Variants in PARD3B observed in about 807,000 individuals in gnomAD.
The protein encoded by PARD3B is par-3 family cell polarity regulator beta.
A neutral mutation model predicts 130.2 loss-of-function variants in PARD3B; 103 were observed. The ratio of observed to expected loss-of-function variants is 0.79; its 90% CI spans 0.67 to 0.93. The LOEUF is 0.93. PARD3B is among the 40% of genes least tolerant of loss of function. The pLI is 0.00. For missense variants in PARD3B, 1,609 were observed against 1,499.2 expected (o/e 1.07, Z -1.21); for synonymous variants, 583 against 553.2 (o/e 1.05, Z -0.76).
At chr2:205,538,583 G>A (rs1355413006) in intron 21 of PARD3B, among the ~76,000 whole-genome samples, 3 of 152,106 alleles carry the variant, frequency 2.0e-5, no homozygotes, top group East Asian at 1.9e-4. Context: ...ATAAGAGAAA[G>A]TAAGAGTTCT....
chr2:204,708,486 T>C (rs2038286386), intron 2 of PARD3B, among the ~76,000 whole-genome samples: 1 of 152,216 alleles, frequency 6.6e-6, no homozygotes, highest in Non-Finnish European at 1.5e-5. Flanking sequence ...TATTAGAAAG[T>C]AGACATAGAT....
intron 2 of PARD3B, among the ~76,000 whole-genome samples, chr2:204,937,130 TTGACCTCGGA>T (rs1293061704): frequency 6.6e-6 from 1 of 152,228 alleles, no homozygotes; most frequent in African/African-American, 2.4e-5. Flanking sequence ...ACTGGAACCA[TTGACCTCGGA>T]TGATGCCAGG....
chr2:205,048,492 T>C (rs1366345175), intron 4 of PARD3B: 1 of 152,206 alleles, frequency 6.6e-6, no homozygotes, highest in African/African-American at 2.4e-5. Context: ...TTTTGGCTAA[T>C]GACTATATAC....
intron 2 of PARD3B, among the ~76,000 whole-genome samples, chr2:204,766,088 C>A (rs572054726): frequency 6.6e-6 from 1 of 152,252 alleles, no homozygotes; most frequent in East Asian, 1.9e-4. Context: ...TAGGTTTCCA[C>A]TTTTAAGGCA....
chr2:204,715,679 G>A (rs1298860303), intron 2 of PARD3B, among the ~76,000 whole-genome samples: 5 of 152,134 alleles, frequency 3.3e-5, no homozygotes, highest in Non-Finnish European at 7.4e-5. Context: ...CTATAGAAGA[G>A]AAAAGTTTGG....
In PARD3B at chr2:205,473,901, C is replaced by T. The variant is rs2106266665; in HGVS notation, c.3045-25995C>T. On this transcript the variant is annotated intron_variant, in intron 20 of 22. Coordinates refer to ENST00000406610, the MANE Select transcript of PARD3B (RefSeq NM_001302769.2). The surrounding 1 kb of genome is among the most constrained non-coding windows in gnomAD (Gnocchi z 4.9). ...ATACTTTTGCAAGCTTGATCTTCAA[C>T]CTCACTTATGTCCCCATGACAACCT... 7.1e-6 allele frequency among the ~76,000 whole-genome samples: 1 copy of T among 141,010 alleles called. No homozygotes were observed. Among genetic ancestry groups the T allele is most frequent in the East Asian group, 1.9e-4 (1 of 5,170 alleles). The allele number at this position is 141,010 out of a possible 152,430, so 92.5% of individuals were successfully genotyped here. A position where few individuals can be genotyped will look rare whatever the true frequency, so the allele number is the denominator to read the frequency against.
intron 20 of PARD3B, among the ~76,000 whole-genome samples, chr2:205,464,639 C>T (rs1434607862): frequency 3.3e-5 from 5 of 152,196 alleles, no homozygotes; most frequent in Non-Finnish European, 5.9e-5. Flanking sequence ...TAAAACCTTT[C>T]TCTAAAATTA....
At chr2:205,048,737 T>A (rs1003466528) in intron 4 of PARD3B, 11 of 152,230 alleles carry the variant, frequency 7.2e-5, no homozygotes, top group African/African-American at 2.7e-4. Context: ...TTTGAAATCA[T>A]TAGCTCTTTG....
rs1339531258 is a variant in PARD3B, at chr2:204,674,700, C to G, written c.121-11481C>G. On this transcript the variant is annotated intron_variant, in intron 1 of 22. Transcript: ENST00000406610. ...GTCTTAATCTCTTCTTTGATTGATCCATAAAACTGTGTTCAAGTGAAGAGC... is the reference window on the plus strand; with the variant it reads ...GTCTTAATCTCTTCTTTGATTGATCGATAAAACTGTGTTCAAGTGAAGAGC... Among the ~76,000 whole-genome samples the G allele has an allele frequency of 2.0e-5, 3 of 152,178 alleles. No individual in the cohort carries two copies. In the East Asian group the frequency reaches 5.8e-4, roughly 29 times the overall value.
chr2:204,714,107 T>C (rs1413305910), intron 2 of PARD3B, among the ~76,000 whole-genome samples: 2 of 152,224 alleles, frequency 1.3e-5, no homozygotes, highest in Admixed American at 1.3e-4. Context: ...ATTCTTGTCC[T>C]GTACTACAGG....
intron 2 of PARD3B, among the ~76,000 whole-genome samples, chr2:204,921,992 CT>C (rs1183258658): frequency 1.3e-5 from 2 of 152,020 alleles, no homozygotes; most frequent in African/African-American, 4.8e-5. Context: ...AACCAAAATG[CT>C]TAGCAAGTTT....
chr2:205,166,968 G>A (rs995106739), intron 11 of PARD3B, among the ~76,000 whole-genome samples: 1 of 152,172 alleles, frequency 6.6e-6, no homozygotes, highest in African/African-American at 2.4e-5. Context: ...GACTGGCCTT[G>A]GGCCACAGCC....
chr2:205,062,062 C>T (rs1466345290), intron 4 of PARD3B, among the ~76,000 whole-genome samples: 1 of 152,046 alleles, frequency 6.6e-6, no homozygotes, highest in African/African-American at 2.4e-5. Flanking sequence ...GCTAGTCCTG[C>T]TGCCTTTATC....
intron 15 of PARD3B, among the ~76,000 whole-genome samples, chr2:205,196,902 C>T (rs770491781): frequency 1.1e-4 from 16 of 151,968 alleles, no homozygotes; most frequent in Non-Finnish European, 2.2e-4. Flanking sequence ...GATAATCTTC[C>T]TTTAATTTTT....
At chr2:204,579,885 A>G (rs1410673887) in intron 1 of PARD3B, among the ~76,000 whole-genome samples, 3 of 152,358 alleles carry the variant, frequency 2.0e-5, no homozygotes, top group Middle Eastern at 3.4e-3. Flanking sequence ...TGTGAAGACA[A>G]TTGAAGGCTA....
chr2:204,811,109 T>C (rs2042945444), intron 2 of PARD3B, among the ~76,000 whole-genome samples: 1 of 152,180 alleles, frequency 6.6e-6, no homozygotes, highest in African/African-American at 2.4e-5. Flanking sequence ...GAGTTGTTTC[T>C]GGTGGTCTCT....
chr2:205,051,558 C>A (rs935004395), intron 4 of PARD3B, among the ~76,000 whole-genome samples: 4 of 152,186 alleles, frequency 2.6e-5, no homozygotes, highest in African/African-American at 9.7e-5. Context: ...CTTTAAAACA[C>A]AGTTGATGAC....
At chr2:205,080,718 A>G (rs971749720) in intron 4 of PARD3B, among the ~76,000 whole-genome samples, 3 of 152,168 alleles carry the variant, frequency 2.0e-5, no homozygotes, top group Non-Finnish European at 4.4e-5. Flanking sequence ...CAGTTTTCAA[A>G]TAGCTATACT....
rs2042911871 is a variant in PARD3B, at chr2:205,325,569, C to T, written c.2630+23868C>T. ...GTAGTCTCAGAGTCTTCCTCTATTG[C>T]CCAGGCTGGAGTGCAGTGGCGTGAT... is the stretch of plus-strand genomic sequence containing the variant. On this transcript the variant is annotated intron_variant, in intron 18 of 22. Transcript: ENST00000406610. This position sits in a 1 kb window ranked among gnomAD's most constrained non-coding sequence, Gnocchi z 4.1. Among the ~76,000 whole-genome samples, 1 of 152,004 alleles carries T rather than the reference C, an allele frequency of 6.6e-6. No homozygotes were observed. Among genetic ancestry groups the T allele is most frequent in the African/African-American group, 2.4e-5 (1 of 41,382 alleles).
Sources: allele counts gnomAD v4.1 joint callset (sites outside exome capture counted in the v4.1 genomes callset), GRCh38; gene constraint gnomAD v4.1.1; non-coding constraint Gnocchi (gnomAD v3.1); transcripts MANE v1.5; gene names NCBI Gene and HGNC (gene_info 2026-07-23, HGNC 2026-07-21).